HHAT: variants seen among roughly 807,000 people sequenced by gnomAD.
HHAT encodes the protein protein-cysteine N-palmitoyltransferase HHAT.
A neutral mutation model predicts 70.8 loss-of-function variants in HHAT; 47 were observed. The observed-to-expected ratio is 0.66, with a 90% CI of 0.53 to 0.85. The LOEUF (loss-of-function observed/expected upper bound fraction) is 0.85, where lower values mean the gene tolerates loss of function less well. Among genes scored for constraint, HHAT ranks in the 40% least tolerant of loss-of-function variants. The probability of loss-of-function intolerance (pLI) is 0.00; values close to 1 mark genes in which losing one functional copy is unlikely to be tolerated. For missense variants in HHAT, 609 were observed against 604.8 expected (o/e 1.01, Z -0.07); for synonymous variants, 228 against 247.6 (o/e 0.92, Z 0.74).
chr1:210,387,446 T>G, intron 3 of HHAT, 22 bp from the exon 4 acceptor site: 1 of 1,596,432 alleles, frequency 6.3e-7, no homozygotes, highest in African/African-American at 1.3e-5. Context: ...ATCCCTCTGA[T>G]AAACTATTTT....
At chr1:210,591,144 CAA>C (rs1558229928) in intron 10 of HHAT, among the ~76,000 whole-genome samples, 1 of 152,194 alleles carries the variant, frequency 6.6e-6, no homozygotes, top group East Asian at 1.9e-4. Flanking sequence ...GTTGTGCTAC[CAA>C]ATACTACATC....
chr1:210,544,873 T>A (rs1414791590), intron 9 of HHAT, among the ~76,000 whole-genome samples: 1 of 152,182 alleles, frequency 6.6e-6, no homozygotes, highest in Non-Finnish European at 1.5e-5. Flanking sequence ...TGGCAGGAGT[T>A]ATCTCTGATA....
At chr1:210,328,604 C>T (rs1366970917), upstream of HHAT, among the ~76,000 whole-genome samples, 1 of 152,220 alleles carries the variant, frequency 6.6e-6, no homozygotes, top group African/African-American at 2.4e-5. Context: ...TAGGTGGGGA[C>T]CACTGGTGTT....
chr1:210,390,126 G>A (rs138615358), intron 4 of HHAT, among the ~76,000 whole-genome samples: 3 of 152,196 alleles, frequency 2.0e-5, no homozygotes, highest in African/African-American at 7.2e-5. Context: ...ATCAACATAA[G>A]TGGATTCTCA....
intron 2 of HHAT, among the ~76,000 whole-genome samples, chr1:210,356,416 T>C (rs988188214): frequency 1.3e-5 from 2 of 152,116 alleles, no homozygotes; most frequent in Non-Finnish European, 1.5e-5. Flanking sequence ...TTCAGTGATA[T>C]ATCTGTAGTT....
intron 3 of HHAT, among the ~76,000 whole-genome samples, chr1:210,367,429 G>T (rs2089107696): frequency 6.6e-6 from 1 of 152,172 alleles, no homozygotes; most frequent in Non-Finnish European, 1.5e-5. Flanking sequence ...GTGGGACAGT[G>T]TGTAGAGTCA....
Position 210,350,371 on chromosome 1 carries a change from T to A in HHAT, c.91+1305T>A, listed in dbSNP as rs374429087. Among the ~76,000 whole-genome samples, 27 of 152,356 alleles carry A rather than the reference T, an allele frequency of 1.8e-4. No individual in the cohort carries two copies. The South Asian group carries it at 5.4e-3, about 30-fold the overall frequency. On this transcript the variant is annotated intron_variant, in intron 2 of 11. Transcript: ENST00000261458. Reference sequence around the variant, plus strand: ...ATCTATAGATTAAGTTGGGAAGAACTGACATCTTGACAATATTGAGTCTTC... The same window carrying A: ...ATCTATAGATTAAGTTGGGAAGAACAGACATCTTGACAATATTGAGTCTTC...
chr1:210,558,674 G>A (rs2095594589), intron 9 of HHAT, among the ~76,000 whole-genome samples: 1 of 152,198 alleles, frequency 6.6e-6, no homozygotes, highest in Non-Finnish European at 1.5e-5. Flanking sequence ...GTGAGGAAGA[G>A]AAATGTTTTA....
chr1:210,374,102 A>C (rs536346572), intron 3 of HHAT: 1 of 151,282 alleles, frequency 6.6e-6, no homozygotes, highest in South Asian at 2.1e-4. Context: ...ACTTAAGCCT[A>C]AAGTTGCACC....
At chr1:210,472,393 A>G (rs183795637) in intron 8 of HHAT, among the ~76,000 whole-genome samples, 35 of 152,322 alleles carry the variant, frequency 2.3e-4, no homozygotes, top group African/African-American at 7.2e-4. Context: ...TGCGATTTGA[A>G]TCCAAGCACA....
At chr1:210,618,526 C>T (rs960905781) in intron 10 of HHAT, among the ~76,000 whole-genome samples, 5 of 152,192 alleles carry the variant, frequency 3.3e-5, no homozygotes, top group Admixed American at 3.3e-4. Context: ...AGCATCAGGT[C>T]CCACTTGCCA....
At chr1:210,391,419 T>C (rs2091450147) in intron 4 of HHAT, among the ~76,000 whole-genome samples, 1 of 152,178 alleles carries the variant, frequency 6.6e-6, no homozygotes, top group Non-Finnish European at 1.5e-5. Context: ...AGGAAAACAC[T>C]GATAAATTTA....
chr1:210,466,108 G>A, intron 8 of HHAT, among the ~76,000 whole-genome samples: 1 of 121,214 alleles, frequency 8.2e-6, no homozygotes. Flanking sequence ...GAATTGCAAG[G>A]AATCGCAAGG....
At chr1:210,591,078 A>G (rs983663690) in intron 10 of HHAT, among the ~76,000 whole-genome samples, 8 of 152,236 alleles carry the variant, frequency 5.3e-5, no homozygotes, top group African/African-American at 1.4e-4. Flanking sequence ...AACCAATCCA[A>G]TTATACTCTT....
chr1:210,579,537 T>TCTTTATATA (rs1658716407), intron 9 of HHAT, among the ~76,000 whole-genome samples: 1 of 152,058 alleles, frequency 6.6e-6, no homozygotes, highest in African/African-American at 2.4e-5. Context: ...ATCTCCAGAG[T>TCTTTATATA]CTTTATATAT....
chr1:210,599,367 C>T (rs1419347199), intron 10 of HHAT, among the ~76,000 whole-genome samples: 1 of 152,106 alleles, frequency 6.6e-6, no homozygotes, highest in Admixed American at 6.5e-5. Context: ...TCATTAATGC[C>T]CTTGGCACCT....
At chr1:210,428,555 T>TA (rs35180479) in intron 7 of HHAT, among the ~76,000 whole-genome samples, 19,253 of 151,220 alleles carry the variant, frequency 0.13, 1,472 homozygotes, top group East Asian at 0.23. Context: ...CATCCTTTTT[T>TA]ATGACACCAG....
intron 3 of HHAT, among the ~76,000 whole-genome samples, chr1:210,372,480 T>G (rs2089651512): frequency 6.6e-6 from 1 of 152,234 alleles, no homozygotes; most frequent in Non-Finnish European, 1.5e-5. Flanking sequence ...AGTGGTATGT[T>G]AAACAGTGAA....
chr1:210,512,392 G>A (rs1204169617), intron 8 of HHAT, among the ~76,000 whole-genome samples: 1 of 151,900 alleles, frequency 6.6e-6, no homozygotes, highest in Non-Finnish European at 1.5e-5. Flanking sequence ...AACATATTTC[G>A]GGCTGAGTGC....
Sources: gnomAD v4.1 joint callset for allele counts (sites outside exome capture counted in the v4.1 genomes callset) on GRCh38, gnomAD v4.1.1 for gene constraint, MANE v1.5 for transcripts, NCBI Gene and HGNC (gene_info 2026-07-23, HGNC 2026-07-21) for gene names.